MAGI3: variants seen among roughly 807,000 people sequenced by gnomAD.
MAGI3 encodes the protein membrane associated guanylate kinase, WW and PDZ domain containing 3, also known as membrane-associated guanylate kinase, WW and PDZ domain-containing protein 3.
Under a neutral mutation model 121.8 loss-of-function variants are expected in MAGI3, and 43 were observed. The observed-to-expected ratio is 0.35, with a 90% CI of 0.28 to 0.46. The LOEUF (loss-of-function observed/expected upper bound fraction) is 0.46. Among genes scored for constraint, MAGI3 ranks in the 20% least tolerant of loss-of-function variants. The probability of loss-of-function intolerance (pLI) is 1.00; values close to 1 mark genes in which losing one functional copy is unlikely to be tolerated. For synonymous variants in MAGI3, 553 were observed against 639.3 expected, an observed-to-expected ratio of 0.86 and a Z score of 2.04; for missense variants, 1,547 against 1,797.3, an observed-to-expected ratio of 0.86 and a Z score of 2.52.
intron 15 of MAGI3, among the ~76,000 whole-genome samples, chr1:113,655,533 A>G (rs578050902): frequency 6.6e-6 from 1 of 151,760 alleles, no homozygotes; most frequent in South Asian, 2.1e-4. Context: ...ATTTGTATAT[A>G]TTGGTAAATT....
At chr1:113,491,425 G>A (rs1656660771) in intron 1 of MAGI3, among the ~76,000 whole-genome samples, 2 of 152,122 alleles carry the variant, frequency 1.3e-5, no homozygotes, top group South Asian at 4.1e-4. Context: ...TGAAAAAGTT[G>A]GAAAGGTCTC....
At chr1:113,590,919 T>C (rs1457221196) in intron 5 of MAGI3, among the ~76,000 whole-genome samples, 1 of 152,134 alleles carries the variant, frequency 6.6e-6, no homozygotes, top group Non-Finnish European at 1.5e-5. Context: ...AGTTCACGAA[T>C]GGTGAAAAAT....
intron 2 of MAGI3, among the ~76,000 whole-genome samples, chr1:113,573,786 G>A (rs1186209565): frequency 6.6e-6 from 1 of 152,156 alleles, no homozygotes; most frequent in East Asian, 1.9e-4. Flanking sequence ...AATATTGACA[G>A]TGGGGTGTTA....
intron 1 of MAGI3, among the ~76,000 whole-genome samples, chr1:113,443,207 C>T (rs1004048300): frequency 6.6e-6 from 1 of 152,070 alleles, no homozygotes. Flanking sequence ...ATACAGCCCG[C>T]TGGTTCTGTT....
In MAGI3 at chr1:113,646,549, A is replaced by G. The variant is rs1251026162; in HGVS notation, c.2062A>G (p.Met688Val). ...EAINEPIPQP[M>V]PFPPSIIRSG... ...CATAAATGAGCCTATTCCTCAGCCT[A>G]TGCCTTTTCCACCGAGCATTATCAG... The change falls in exon 12 of 21, where the codon ATG becomes GTG. Residue 688 changes from methionine to valine, a missense_variant. Transcript: ENST00000307546. 2.5e-6 allele frequency: 4 copies of G among 1,613,740 alleles called. No homozygotes were observed. The highest frequency in any genetic ancestry group is 4.5e-5 in the East Asian group (2 of 44,852).
At chr1:113,508,932 AT>A (rs938753449) in intron 1 of MAGI3, among the ~76,000 whole-genome samples, 13 of 151,538 alleles carry the variant, frequency 8.6e-5, no homozygotes, top group South Asian at 2.1e-4. Flanking sequence ...ATTTTCCTTG[AT>A]TTTTTTTTCT....
chr1:113,612,349 T>C (rs1242754086), intron 6 of MAGI3, among the ~76,000 whole-genome samples: 2 of 152,222 alleles, frequency 1.3e-5, no homozygotes, highest in Non-Finnish European at 2.9e-5. Flanking sequence ...CTTTATCTTA[T>C]CATTTATCTC....
Position 113,580,553 on chromosome 1 carries a change from GC to G in MAGI3, c.450del (p.Arg151GlyfsTer28). The G allele has an allele frequency of 1.2e-6, 2 of 1,609,118 alleles. No individual in the cohort carries two copies. The highest frequency in any genetic ancestry group is 1.7e-6 in the Non-Finnish European group (2 of 1,177,266). ...YLRTIPCTTR[A>X]PRDGEVPGVD... is the part of the protein sequence containing the mutation. The stretch of plus-strand genomic sequence containing the variant: ...TTCTTTTTTCTTAGGCACTACAAGG[GC>G]CCCCAGGGATGGAGAAGTACCAGGA... On this transcript the variant is annotated frameshift_variant, in exon 3 of 21. Coordinates refer to ENST00000307546, the MANE Select transcript of MAGI3 (RefSeq NM_001142782.2). LOFTEE classifies it high-confidence loss of function.
intron 1 of MAGI3, among the ~76,000 whole-genome samples, chr1:113,417,775 T>A (rs977588951): frequency 3.3e-5 from 5 of 152,178 alleles, no homozygotes; most frequent in African/African-American, 1.2e-4. Context: ...TAAGTCTCAC[T>A]GAGGTGCTTC....
chr1:113,510,204 T>C (rs2101609641), intron 1 of MAGI3, among the ~76,000 whole-genome samples: 1 of 152,324 alleles, frequency 6.6e-6, no homozygotes. Context: ...TTGTAAACCA[T>C]AATCTCCTGC....
intron 1 of MAGI3, among the ~76,000 whole-genome samples, chr1:113,401,330 C>A (rs1483872249): frequency 6.6e-6 from 1 of 152,050 alleles, no homozygotes; most frequent in African/African-American, 2.4e-5. Context: ...AAACACTGGG[C>A]AAGTACTTAC....
At chr1:113,526,621 A>G (rs546230219) in intron 1 of MAGI3, among the ~76,000 whole-genome samples, 2 of 152,334 alleles carry the variant, frequency 1.3e-5, no homozygotes, top group South Asian at 2.1e-4. Flanking sequence ...TCTTAGCTCA[A>G]TTGGAAGGTT....
Position 113,646,617 on chromosome 1 carries a change from A to G in MAGI3, c.2130A>G (p.Lys710=). 6.2e-7 allele frequency: 1 copy of G among 1,600,326 alleles called. No homozygotes were observed. Among genetic ancestry groups the G allele is most frequent in the African/African-American group, 1.3e-5 (1 of 74,234 alleles). Residue 710 remains lysine, a synonymous_variant, in exon 12 of 21, where the codon AAA becomes AAG. Transcript: ENST00000307546. ...PKLDPSEVYL[K]SKTLYEDKPP... ...TGGATCCTTCTGAGGTCTACCTGAA[A>G]TCTAAGACTTTATATGAAGATAAAC...
At chr1:113,576,479 G>A (rs1246794231) in intron 2 of MAGI3, among the ~76,000 whole-genome samples, 3 of 152,068 alleles carry the variant, frequency 2.0e-5, no homozygotes, top group African/African-American at 4.8e-5. Context: ...CACCCTCCGC[G>A]AGCTGCACCC....
intron 20 of MAGI3, among the ~76,000 whole-genome samples, chr1:113,681,998 C>G (rs1049281582): frequency 2.6e-5 from 4 of 152,002 alleles, no homozygotes; most frequent in Non-Finnish European, 4.4e-5. Flanking sequence ...ATCTAGCTCC[C>G]CACCTCCTGC....
chr1:113,408,938 A>G (rs535441202), intron 1 of MAGI3, among the ~76,000 whole-genome samples: 2 of 152,158 alleles, frequency 1.3e-5, no homozygotes, highest in Non-Finnish European at 2.9e-5. Context: ...TTTGCCATAT[A>G]TTATTATTAA....
chr1:113,440,829 T>C (rs1653874178), intron 1 of MAGI3, among the ~76,000 whole-genome samples: 1 of 152,212 alleles, frequency 6.6e-6, no homozygotes, highest in South Asian at 2.1e-4. Flanking sequence ...GCATTGTGCA[T>C]TGTTTTAATC....
chr1:113,589,337 A>T (rs1570908183), intron 4 of MAGI3, among the ~76,000 whole-genome samples: 1 of 152,150 alleles, frequency 6.6e-6, no homozygotes, highest in Non-Finnish European at 1.5e-5. Flanking sequence ...TTAAATGCCC[A>T]CATAAGGTTA....
chr1:113,589,607 G>A (rs1648575849), intron 4 of MAGI3, among the ~76,000 whole-genome samples: 1 of 152,028 alleles, frequency 6.6e-6, no homozygotes, highest in African/African-American at 2.4e-5. Flanking sequence ...AAATAGTAGG[G>A]CATGGTTAGA....
Sources: allele counts gnomAD v4.1 joint callset (sites outside exome capture counted in the v4.1 genomes callset), GRCh38; gene constraint gnomAD v4.1.1; transcripts MANE v1.5; gene names NCBI Gene and HGNC (gene_info 2026-07-23, HGNC 2026-07-21).